Variants in ELMO1 observed in about 807,000 individuals in gnomAD.
ELMO1 encodes engulfment and cell motility protein 1.
Under a neutral mutation model 98.9 loss-of-function variants are expected in ELMO1, and 26 were observed. The ratio of observed to expected loss-of-function variants is 0.26; its 90% confidence interval spans 0.19 to 0.36. The LOEUF (loss-of-function observed/expected upper bound fraction) is 0.36, where lower values mean the gene tolerates loss of function less well. ELMO1 is among the 10% of genes least tolerant of loss of function. The probability of loss-of-function intolerance (pLI) is 1.00; values close to 1 mark genes in which losing one functional copy is unlikely to be tolerated. For missense variants in ELMO1, 627 were observed against 935.2 expected, an observed-to-expected ratio of 0.67 and a Z score of 4.30; for synonymous variants, 346 against 346.0, an observed-to-expected ratio of 1.00 and a Z score of 0.00.
chr7:37,322,509 T>C (rs1353800377), intron 2 of ELMO1, among the ~76,000 whole-genome samples: 1 of 150,488 alleles, frequency 6.6e-6, no homozygotes, highest in East Asian at 2.0e-4. Context: ...CCTATTGACT[T>C]GGGAAGCTGA....
At chr7:37,365,428 A>G (rs958016762) in intron 1 of ELMO1, among the ~76,000 whole-genome samples, 1 of 152,200 alleles carries the variant, frequency 6.6e-6, no homozygotes. Flanking sequence ...GTCACTGCAG[A>G]ACAGAACGGG....
At chr7:37,257,196 C>T (rs1042118241) in intron 6 of ELMO1, among the ~76,000 whole-genome samples, 3 of 152,196 alleles carry the variant, frequency 2.0e-5, no homozygotes, top group Non-Finnish European at 2.9e-5. Context: ...CACCAGAGAG[C>T]AAGCTCCCCG....
chr7:37,437,822 A>C, intron 1 of ELMO1, among the ~76,000 whole-genome samples: 1 of 57,586 alleles, frequency 1.7e-5, no homozygotes, highest in Non-Finnish European at 3.8e-5. Flanking sequence ...ATACAAAAAA[A>C]ATTAGCCGGG....
At chr7:36,865,491 T>G (rs1489616250) in intron 20 of ELMO1, among the ~76,000 whole-genome samples, 1 of 152,202 alleles carries the variant, frequency 6.6e-6, no homozygotes, top group Non-Finnish European at 1.5e-5. Context: ...CGGCCAATAG[T>G]TCTCCAATCC....
chr7:37,058,039 A>C (rs1796476863), intron 15 of ELMO1, among the ~76,000 whole-genome samples: 1 of 152,260 alleles, frequency 6.6e-6, no homozygotes, highest in Non-Finnish European at 1.5e-5. Context: ...GAAAAGACAA[A>C]GGGCAACTTT....
At chr7:37,121,495 C>T (rs1786035692) in intron 14 of ELMO1, among the ~76,000 whole-genome samples, 1 of 151,986 alleles carries the variant, frequency 6.6e-6, no homozygotes, top group South Asian at 2.1e-4. Flanking sequence ...CTTCAGTAGC[C>T]AATTCGATCA....
chr7:36,860,584 A>T (rs1450834897), intron 21 of ELMO1, among the ~76,000 whole-genome samples: 3 of 152,250 alleles, frequency 2.0e-5, no homozygotes, highest in Non-Finnish European at 2.9e-5. Flanking sequence ...CCTTGCAGAG[A>T]TTTAAATAAC....
chr7:37,284,880 G>A (rs780719255), intron 4 of ELMO1, among the ~76,000 whole-genome samples: 14 of 152,040 alleles, frequency 9.2e-5, no homozygotes, highest in South Asian at 2.1e-4. Flanking sequence ...TGCCAGCTGC[G>A]GCAATGTGAC....
At chr7:37,000,598 C>T (rs542342377) in intron 16 of ELMO1, among the ~76,000 whole-genome samples, 23 of 152,234 alleles carry the variant, frequency 1.5e-4, no homozygotes, top group Non-Finnish European at 3.1e-4. Context: ...TTTTTGTGAA[C>T]GGCATGATGT....
At chr7:37,279,553 G>A (rs923341737) in intron 4 of ELMO1, among the ~76,000 whole-genome samples, 1 of 152,142 alleles carries the variant, frequency 6.6e-6, no homozygotes, top group South Asian at 2.1e-4. Context: ...CCTCTTCTCC[G>A]AAAACACACC....
intron 6 of ELMO1, among the ~76,000 whole-genome samples, chr7:37,247,689 C>T (rs1198035750): frequency 2.6e-5 from 4 of 152,104 alleles, no homozygotes; most frequent in Middle Eastern, 3.4e-3. Flanking sequence ...AGAAAAGGAG[C>T]GAGTGAAGAA....
intron 16 of ELMO1, among the ~76,000 whole-genome samples, chr7:36,925,396 GTC>G (rs1785486989): frequency 6.6e-6 from 1 of 152,188 alleles, no homozygotes; most frequent in African/African-American, 2.4e-5. Flanking sequence ...CCTGTGCCGT[GTC>G]TGGCCTTGGC....
intron 16 of ELMO1, among the ~76,000 whole-genome samples, chr7:36,957,661 G>C (rs756381768): frequency 2.0e-5 from 3 of 152,160 alleles, no homozygotes; most frequent in Non-Finnish European, 2.9e-5. Flanking sequence ...TGCTGAAGTC[G>C]TAAGTTTACA....
intron 8 of ELMO1, among the ~76,000 whole-genome samples, chr7:37,225,780 A>C (rs765275661): frequency 7.2e-5 from 11 of 152,364 alleles, no homozygotes; most frequent in Middle Eastern, 6.8e-3. Flanking sequence ...AATAGAGGTT[A>C]GAATAATGGA....
chr7:37,259,107 G>C, intron 6 of ELMO1, 74 bp downstream of exon 6: 1 of 1,492,008 alleles, frequency 6.7e-7, no homozygotes, highest in Non-Finnish European at 9.0e-7. Context: ...GTTTGCAAGT[G>C]TAAGGCATGT....
intron 13 of ELMO1, among the ~76,000 whole-genome samples, chr7:37,134,339 C>G (rs897363212): frequency 1.3e-5 from 2 of 152,024 alleles, no homozygotes; most frequent in Non-Finnish European, 2.9e-5. Flanking sequence ...GAGGCTGAGG[C>G]AGGTGGATTA....
At chr7:37,169,591 C>T (rs184434049) in intron 13 of ELMO1, among the ~76,000 whole-genome samples, 49 of 152,296 alleles carry the variant, frequency 3.2e-4, no homozygotes, top group African/African-American at 9.9e-4. Flanking sequence ...AGCATTCTAA[C>T]GAAGGGGATA....
intron 16 of ELMO1, among the ~76,000 whole-genome samples, chr7:36,948,167 A>G (rs967440716): frequency 1.3e-5 from 2 of 152,162 alleles, no homozygotes; most frequent in Non-Finnish European, 2.9e-5. Flanking sequence ...TATCTTAGAG[A>G]AGTTTATAAG....
At chr7:37,326,163 A>C (rs1799791562) in intron 2 of ELMO1, among the ~76,000 whole-genome samples, 1 of 152,220 alleles carries the variant, frequency 6.6e-6, no homozygotes. Flanking sequence ...TGCTGTGTGA[A>C]TAACAGACCC....
Sources: gnomAD v4.1 joint callset for allele counts (sites outside exome capture counted in the v4.1 genomes callset) on GRCh38, gnomAD v4.1.1 for gene constraint, MANE v1.5 for transcripts, NCBI Gene and HGNC (gene_info 2026-07-23, HGNC 2026-07-21) for gene names.